HFM1: variants seen among roughly 807,000 people sequenced by gnomAD.
HFM1 encodes the protein helicase for meiosis 1.
A neutral mutation model predicts 192.1 loss-of-function variants in HFM1; 169 were observed. The observed-to-expected ratio is 0.88, with a 90% CI of 0.78 to 1.00. The LOEUF is 1.00. Ranked by LOEUF, HFM1 falls within the 50% of genes least tolerant of loss-of-function variation. HFM1 has a pLI of 0.00. For synonymous variants in HFM1, 525 were observed against 537.8 expected, an observed-to-expected ratio of 0.98 and a Z score of 0.33; for missense variants, 1,661 against 1,668.0, an observed-to-expected ratio of 1.00 and a Z score of 0.07.
rs371351303 is a variant in HFM1 at position 91,380,384 on chromosome 1, C to T, written c.874-148G>A. Reference sequence around the variant, plus strand: ...AGTTATAAAAATTGTAACTTTGCTCCAGAGCCTCCACTCTCGAAAAATAAC... The same window carrying T: ...AGTTATAAAAATTGTAACTTTGCTCTAGAGCCTCCACTCTCGAAAAATAAC... On this transcript the variant is annotated intron_variant, in intron 7 of 38. Coordinates refer to ENST00000370425, the MANE Select transcript of HFM1 (RefSeq NM_001017975.6). The T allele has an allele frequency of 2.8e-4, 140 of 505,366 alleles. 3 individuals are homozygous for T. The South Asian group carries it at 5.7e-3, about 21-fold the overall frequency. 31.3% of individuals were successfully genotyped at this position (505,366 alleles called of 1,614,324 possible). A position where few individuals can be genotyped will look rare whatever the true frequency, so the allele number is the denominator to read the frequency against.
intron 13 of HFM1, among the ~76,000 whole-genome samples, chr1:91,367,206 G>C (rs988174084): frequency 6.6e-5 from 10 of 152,216 alleles, no homozygotes; most frequent in Non-Finnish European, 1.5e-4. Flanking sequence ...ACAAAAGGCA[G>C]CAGAAACCTC....
intron 4 of HFM1, among the ~76,000 whole-genome samples, chr1:91,389,706 A>G (rs1264930391): frequency 6.6e-6 from 1 of 152,194 alleles, no homozygotes; most frequent in Non-Finnish European, 1.5e-5. Flanking sequence ...GTATTTCATT[A>G]TACCAGCTCA....
intron 13 of HFM1, among the ~76,000 whole-genome samples, chr1:91,362,984 T>C (rs1201756707): frequency 1.3e-5 from 2 of 151,872 alleles, no homozygotes; most frequent in African/African-American, 2.4e-5. Context: ...ATGCAGAAAA[T>C]TGAAACTGGA....
chr1:91,344,382 G>A (rs576955406), intron 19 of HFM1, among the ~76,000 whole-genome samples: 5 of 152,254 alleles, frequency 3.3e-5, no homozygotes, highest in South Asian at 2.1e-4. Flanking sequence ...AGTGTTAAGC[G>A]TTTGGTTAAG....
intron 25 of HFM1, among the ~76,000 whole-genome samples, chr1:91,318,645 C>CA (rs957261422): frequency 2.0e-4 from 30 of 146,790 alleles, no homozygotes; most frequent in Non-Finnish European, 3.0e-4. Flanking sequence ...TTATTGAAAA[C>CA]AAAAAAAAAA....
At chr1:91,300,330 T>C (rs1648514971) in intron 30 of HFM1, among the ~76,000 whole-genome samples, 1 of 152,180 alleles carries the variant, frequency 6.6e-6, no homozygotes, top group African/African-American at 2.4e-5. Flanking sequence ...ACCAGATGGA[T>C]TCACAACTGA....
At chr1:91,321,165 G>T (rs925518353) in intron 23 of HFM1, among the ~76,000 whole-genome samples, 10 of 152,226 alleles carry the variant, frequency 6.6e-5, no homozygotes, top group Non-Finnish European at 7.3e-5. Context: ...GGCAGAGCCA[G>T]GCACGCTGGC....
At position 91,313,941 on chromosome 1, in the gene HFM1, A is replaced by C; in HGVS notation, c.3244+16T>G. On this transcript the variant is annotated intron_variant, in intron 29 of 38. Transcript: ENST00000370425. Reference sequence around the variant, plus strand: ...TATTATTTATATTCATGTCTTCATTACTTCAATTAACTTACCAAATTCAGA... The same window carrying C: ...TATTATTTATATTCATGTCTTCATTCCTTCAATTAACTTACCAAATTCAGA... 1 of 1,314,370 alleles carries C rather than the reference A, an allele frequency of 7.6e-7. No homozygotes were observed. The highest frequency in any genetic ancestry group is 1.1e-6 in the Non-Finnish European group (1 of 919,782). The allele number at this position is 1,314,370 out of a possible 1,614,324, so 81.4% of individuals were successfully genotyped here.
chr1:91,399,027 T>C (rs1466456399), intron 2 of HFM1, among the ~76,000 whole-genome samples: 1 of 152,148 alleles, frequency 6.6e-6, no homozygotes, highest in Non-Finnish European at 1.5e-5. Context: ...TTTACTCAGC[T>C]TGCCCCTGTG....
intron 20 of HFM1, among the ~76,000 whole-genome samples, chr1:91,336,981 C>T (rs538333258): frequency 1.3e-4 from 20 of 152,236 alleles, no homozygotes; most frequent in African/African-American, 3.4e-4. Flanking sequence ...AACACAGGAA[C>T]GGAAAACCAA....
chr1:91,276,803 A>C, intron 31 of HFM1, 60 bp from the exon 32 acceptor site: 1 of 917,102 alleles, frequency 1.1e-6, no homozygotes, highest in Non-Finnish European at 1.6e-6. Flanking sequence ...TTATAAAGTC[A>C]AATTTCTTTA....
chr1:91,377,710 A>G, intron 11 of HFM1: 1 of 318,220 alleles, frequency 3.1e-6, no homozygotes, highest in South Asian at 4.1e-5. Context: ...ATACAATTAG[A>G]GTCAGCTAGT....
At chr1:91,397,014 T>G (rs1022673057) in intron 2 of HFM1, among the ~76,000 whole-genome samples, 3 of 152,302 alleles carry the variant, frequency 2.0e-5, no homozygotes, top group African/African-American at 7.2e-5. Context: ...GGCTCTAGGT[T>G]GCATGCTCCT....
At chr1:91,338,692 G>C (rs61798922) in intron 20 of HFM1, among the ~76,000 whole-genome samples, 1 of 152,260 alleles carries the variant, frequency 6.6e-6, no homozygotes, top group South Asian at 2.1e-4. Flanking sequence ...CACGGACCTT[G>C]TCACCACGGC....
At position 91,316,392 on chromosome 1, in the gene HFM1, A is replaced by T. The variant is rs1317381116; in HGVS notation, c.2897T>A (p.Leu966Ter). The T allele has an allele frequency of 2.0e-6, 3 of 1,512,450 alleles. No homozygotes were observed. The highest frequency in any genetic ancestry group is 2.7e-6 in the Non-Finnish European group (3 of 1,104,218). The allele number at this position is 1,512,450 out of a possible 1,614,324, so 93.7% of individuals were successfully genotyped here. ...TTAGGAATAAGTGAATATAACTACC[A>T]ATTCAAGTTCCCTTGCATCTGTCTC... Reference protein sequence around the residue: ...IEETDARELELILNRHPPFGT... With the variant: ...IEETDARELE Residue 966 changes from leucine to a stop codon, truncating the protein, a stop_gained and splice_region_variant, in exon 26 of 39, where the codon TTG (leucine) becomes TAG (stop). Transcript: ENST00000370425. LOFTEE classifies it high-confidence loss of function.
At chr1:91,374,281 T>C (rs1660630943) in intron 13 of HFM1, among the ~76,000 whole-genome samples, 2 of 151,866 alleles carry the variant, frequency 1.3e-5, no homozygotes, top group African/African-American at 4.8e-5. Context: ...TACTGCAGGC[T>C]ACACTAAGGA....
chr1:91,288,603 A>C (rs1387895251), intron 30 of HFM1, among the ~76,000 whole-genome samples: 1 of 152,068 alleles, frequency 6.6e-6, no homozygotes, highest in African/African-American at 2.4e-5. Context: ...GCTGCCTTCA[A>C]GCATCTGTTT....
chr1:91,266,680 A>C (rs1665798460), intron 35 of HFM1, among the ~76,000 whole-genome samples: 1 of 152,150 alleles, frequency 6.6e-6, no homozygotes, highest in South Asian at 2.1e-4. Flanking sequence ...ATTGAGACTG[A>C]TTTTCCCAGT....
At chr1:91,383,101 T>C (rs1458183547) in intron 6 of HFM1, among the ~76,000 whole-genome samples, 1 of 152,154 alleles carries the variant, frequency 6.6e-6, no homozygotes, top group East Asian at 1.9e-4. Context: ...TATAGGACAA[T>C]GAGTTTTACA....
Sources: allele counts gnomAD v4.1 joint callset (sites outside exome capture counted in the v4.1 genomes callset), GRCh38; gene constraint gnomAD v4.1.1; transcripts MANE v1.5; gene names NCBI Gene and HGNC (gene_info 2026-07-23, HGNC 2026-07-21).